The following GTF2E2 variants were observed in gnomAD, a reference collection of about 807,000 sequenced individuals.
The protein encoded by GTF2E2 is transcription initiation factor IIE subunit beta.
GTF2E2 carries 21 observed loss-of-function variants against 40.5 expected under a neutral mutation model. The ratio of observed to expected loss-of-function variants is 0.52; its 90% CI spans 0.37 to 0.75. The LOEUF (loss-of-function observed/expected upper bound fraction) is 0.75. GTF2E2 is among the 30% of genes least tolerant of loss of function. The pLI is 0.00. For missense variants in GTF2E2, 298 were observed against 338.4 expected, an observed-to-expected ratio of 0.88 and a Z score of 0.94; for synonymous variants, 117 against 121.6, an observed-to-expected ratio of 0.96 and a Z score of 0.25.
chr8:30,627,448 CAAAA>C (rs71539905), intron 3 of GTF2E2, among the ~76,000 whole-genome samples: 61 of 64,770 alleles, frequency 9.4e-4, no homozygotes, highest in African/African-American at 3.6e-3. Flanking sequence ...ACCTCTCTTG[CAAAA>C]AAAAAAAAAA....
chr8:30,607,218 T>C, intron 5 of GTF2E2, 68 bp from the exon 6 acceptor site: 2 of 623,412 alleles, frequency 3.2e-6, no homozygotes, highest in Non-Finnish European at 2.8e-6. Flanking sequence ...AAAAAAAAAT[T>C]TAAACAATAA....
At position 30,612,436 on chromosome 8, in the gene GTF2E2, C is replaced by T. The variant is rs771941105; in HGVS notation, c.412G>A (p.Ala138Thr). 15 of 1,612,446 alleles carry T rather than the reference C, an allele frequency of 9.3e-6. No individual in the cohort carries two copies. Among genetic ancestry groups the T allele is most frequent in the African/African-American group, 1.3e-5 (1 of 74,866 alleles). ...CTCACGTTGTACTTGGGCTTGAAAGCATACTTCCCATCTATTACTTCAATT... is the reference window on the plus strand; with the variant it reads ...CTCACGTTGTACTTGGGCTTGAAAGTATACTTCCCATCTATTACTTCAATT... The part of the protein sequence containing the change: ...PKIEVIDGKY[A>T]FKPKYNVRDK... Residue 138 changes from alanine to threonine, a missense_variant, in exon 5 of 8, where the codon GCT (alanine) becomes ACT (threonine). Ala to Thr is a moderately conservative substitution (Grantham distance 58). Transcript: ENST00000355904.
chr8:30,651,056 G>A (rs1200522148), intron 2 of GTF2E2, among the ~76,000 whole-genome samples: 1 of 151,208 alleles, frequency 6.6e-6, no homozygotes, highest in Non-Finnish European at 1.5e-5. Flanking sequence ...AAATAGAAAG[G>A]AACTTCTTCA....
chr8:30,611,200 C>T (rs1379337562), intron 5 of GTF2E2, among the ~76,000 whole-genome samples: 3 of 152,094 alleles, frequency 2.0e-5, no homozygotes, highest in Non-Finnish European at 1.5e-5. Flanking sequence ...GCCCACTTAA[C>T]CACAAAACAA....
intron 3 of GTF2E2, among the ~76,000 whole-genome samples, chr8:30,627,818 A>G (rs1329711404): frequency 1.3e-5 from 2 of 152,370 alleles, no homozygotes; most frequent in East Asian, 3.9e-4. Flanking sequence ...AAGCTGAATT[A>G]CAAAGTACTT....
chr8:30,637,190 G>A (rs2128724396), intron 2 of GTF2E2: 1 of 454,714 alleles, frequency 2.2e-6, no homozygotes, highest in African/African-American at 2.0e-5. Context: ...TCAAAGTACA[G>A]AAATCTGTGA....
At chr8:30,595,046 T>A (rs1828961109) in intron 6 of GTF2E2, among the ~76,000 whole-genome samples, 1 of 152,220 alleles carries the variant, frequency 6.6e-6, no homozygotes, top group South Asian at 2.1e-4. Flanking sequence ...TCATTTAGAT[T>A]AGCTGGATAC....
chr8:30,655,663 T>A lies in GTF2E2; in HGVS notation c.-4-2061A>T, dbSNP rs141144751. On this transcript the variant is annotated intron_variant, in intron 1 of 7. Transcript: ENST00000355904. ...TACGGAAGATAAATCCTTGTCTACA[T>A]GCTGCTTAGATTTGAGAAAATGGAA... Among the ~76,000 whole-genome samples the A allele has an allele frequency of 1.6e-4, 24 of 152,310 alleles. No individual in the cohort carries two copies. In the East Asian group the frequency reaches 4.6e-3, roughly 29 times the overall value.
At chr8:30,653,034 ATTGG>A (rs1361086269) in intron 2 of GTF2E2, among the ~76,000 whole-genome samples, 1 of 152,144 alleles carries the variant, frequency 6.6e-6, no homozygotes, top group African/African-American at 2.4e-5. Context: ...AAAGCAGATT[ATTGG>A]TTTTCCGGGG....
intron 6 of GTF2E2, among the ~76,000 whole-genome samples, chr8:30,598,939 G>A (rs1001733277): frequency 5.3e-5 from 8 of 152,216 alleles, no homozygotes; most frequent in Middle Eastern, 6.8e-3. Flanking sequence ...CAGGAGGATC[G>A]TTTGGCCCAG....
At chr8:30,636,085 A>G (rs1797624339) in intron 2 of GTF2E2, among the ~76,000 whole-genome samples, 1 of 152,184 alleles carries the variant, frequency 6.6e-6, no homozygotes, top group Non-Finnish European at 1.5e-5. Flanking sequence ...AAAACCCTGT[A>G]CAAAAGATCA....
intron 2 of GTF2E2, among the ~76,000 whole-genome samples, chr8:30,639,604 A>G (rs937848511): frequency 1.3e-5 from 2 of 152,158 alleles, no homozygotes; most frequent in Non-Finnish European, 2.9e-5. Flanking sequence ...TTAAAAATTA[A>G]TATTAACTGC....
chr8:30,639,164 T>A (rs760209529), intron 2 of GTF2E2, among the ~76,000 whole-genome samples: 2 of 152,218 alleles, frequency 1.3e-5, no homozygotes, highest in Non-Finnish European at 2.9e-5. Flanking sequence ...TTGCTTTGAA[T>A]GTAGATGCAG....
rs33951211 is a variant in GTF2E2, at chr8:30,642,296, C to CA, written c.167-7174dup. Among the ~76,000 whole-genome samples, 564 of 129,854 alleles carry CA rather than the reference C, an allele frequency of 4.3e-3. 17 individuals carry two copies. Among genetic ancestry groups the CA allele is most frequent in the East Asian group, 0.043 (185 of 4,290 alleles). The allele number at this position is 129,854 out of a possible 152,430, so 85.2% of individuals were successfully genotyped here. On this transcript the variant is annotated intron_variant, in intron 2 of 7. Transcript: ENST00000355904. Reference sequence around the variant, plus strand: ...TCTTTTTGAATTAAAGGAGAAAAGCCAAAAAAAAAAAAAAGGAAAGGAATA... The same window carrying CA: ...TCTTTTTGAATTAAAGGAGAAAAGCCAAAAAAAAAAAAAAAGGAAAGGAATA...
At position 30,653,665 on chromosome 8, in the gene GTF2E2, C is replaced by T. The variant is rs1302364656; in HGVS notation, c.-4-63G>A. On this transcript the variant is annotated intron_variant, in intron 1 of 7. Coordinates refer to ENST00000355904, the MANE Select transcript of GTF2E2 (RefSeq NM_002095.6). Reference sequence around the variant, plus strand: ...AGTCACTCAAACCTGCACTCCAAATCCACAGATCTCAACAAGTTACTTCCC... The same window carrying T: ...AGTCACTCAAACCTGCACTCCAAATTCACAGATCTCAACAAGTTACTTCCC... The T allele has an allele frequency of 1.9e-5, 22 of 1,146,556 alleles. No homozygotes were observed. The East Asian group carries it at 4.8e-4, about 25-fold the overall frequency. The allele number at this position is 1,146,556 out of a possible 1,614,324, so 71.0% of individuals were successfully genotyped here.
intron 6 of GTF2E2, among the ~76,000 whole-genome samples, chr8:30,593,937 T>C (rs752393293): frequency 6.6e-6 from 1 of 152,120 alleles, no homozygotes; most frequent in Non-Finnish European, 1.5e-5. Flanking sequence ...TTTATTTTTT[T>C]ATCTTTCTTT....
At chr8:30,609,259 C>A (rs1166469758) in intron 5 of GTF2E2, among the ~76,000 whole-genome samples, 2 of 85,536 alleles carry the variant, frequency 2.3e-5, no homozygotes, top group Non-Finnish European at 4.7e-5. Flanking sequence ...GAAAGAGACT[C>A]CGCCTCAAAA....
At chr8:30,625,512 G>A (rs1050658201) in intron 3 of GTF2E2, among the ~76,000 whole-genome samples, 6 of 152,232 alleles carry the variant, frequency 3.9e-5, no homozygotes, top group African/African-American at 1.2e-4. Flanking sequence ...AACAGGCAAC[G>A]ACCGAACAGC....
chr8:30,627,255 T>C (rs1801306501), intron 3 of GTF2E2, among the ~76,000 whole-genome samples: 1 of 152,050 alleles, frequency 6.6e-6, no homozygotes, highest in Admixed American at 6.5e-5. Flanking sequence ...TCTTGTAAAT[T>C]TTTTTAAACA....
Sources: gnomAD v4.1 joint callset for allele counts (sites outside exome capture counted in the v4.1 genomes callset) on GRCh38, gnomAD v4.1.1 for gene constraint, MANE v1.5 for transcripts, NCBI Gene and HGNC (gene_info 2026-07-23, HGNC 2026-07-21) for gene names.